Variants in CARD6 observed in about 807,000 individuals in gnomAD.
The protein encoded by CARD6 is caspase recruitment domain-containing protein 6.
In CARD6, 27 loss-of-function variants were observed where a neutral mutation model predicts 23.6. The ratio of observed to expected loss-of-function variants is 1.14; its 90% CI spans 0.84 to 1.58. CARD6 has a LOEUF of 1.58. Among genes scored for constraint, CARD6 ranks in the 40% most tolerant of loss-of-function variants. The pLI, the probability that CARD6 is intolerant of heterozygous loss-of-function variation, is 0.00. For missense variants in CARD6, 1,214 were observed against 1,209.9 expected, an observed-to-expected ratio of 1.00 and a Z score of -0.05; for synonymous variants, 397 against 431.8, an observed-to-expected ratio of 0.92 and a Z score of 1.00.
At chr5:40,848,148 T>C (rs1229559599) in intron 2 of CARD6, among the ~76,000 whole-genome samples, 1 of 152,058 alleles carries the variant, frequency 6.6e-6, no homozygotes, top group African/African-American at 2.4e-5. Flanking sequence ...TTAAAAATAC[T>C]TTATATTTTT....
chr5:40,843,750 A>G (rs1299460812), intron 2 of CARD6, 41 bp downstream of exon 2: 8 of 1,328,258 alleles, frequency 6.0e-6, no homozygotes, highest in Non-Finnish European at 7.1e-6. Flanking sequence ...CAACAACTTA[A>G]TAAGTTAATA....
At position 40,852,372 on chromosome 5, in the gene CARD6, A is replaced by C. The variant is rs775414145; in HGVS notation, c.1040A>C (p.His347Pro). 6.2e-6 allele frequency: 10 copies of C among 1,614,130 alleles called. No individual in the cohort carries two copies. The South Asian group carries it at 1.1e-4, about 18-fold the overall frequency. ...DVTARDSILS[H>P]KVLDEDSKED... Reference sequence around the variant, plus strand: ...ACGGCTAGGGATTCAATCCTCAGTCACAAGGTTCTGGATGAAGATAGCAAG... The same window carrying C: ...ACGGCTAGGGATTCAATCCTCAGTCCCAAGGTTCTGGATGAAGATAGCAAG... Residue 347 changes from histidine (H) to proline (P), a missense_variant, in exon 3 of 3, where the codon CAC becomes CCC. By Grantham distance (77) the His-to-Pro change is moderately conservative. Coordinates refer to ENST00000254691, the MANE Select transcript of CARD6 (RefSeq NM_032587.4).
Position 40,841,593 on chromosome 5 carries a change from A to G in CARD6, c.211A>G (p.Thr71Ala), listed in dbSNP as rs1314089361. 1 of 1,614,100 alleles carries G rather than the reference A, an allele frequency of 6.2e-7. No individual in the cohort carries two copies. The highest frequency in any genetic ancestry group is 1.7e-5 in the Admixed American group (1 of 60,012). The change falls in exon 1 of 3, where the codon ACC becomes GCC. Residue 71 changes from threonine (T) to alanine (A), a missense_variant. Coordinates refer to ENST00000254691, the MANE Select transcript of CARD6 (RefSeq NM_032587.4). ...LILVQKKGEA[T>A]CQHFLKCLFS... ...TTTGGTACAGAAAAAGGGAGAGGCG[A>G]CCTGTCAGCATTTTCTCAAGTGTTT...
At chr5:40,850,698 G>C (rs543066250) in intron 2 of CARD6, among the ~76,000 whole-genome samples, 3 of 136,272 alleles carry the variant, frequency 2.2e-5, no homozygotes, top group Non-Finnish European at 4.6e-5. Flanking sequence ...CTCCAGCCTG[G>C]TGACAGAGTG....
intron 2 of CARD6, among the ~76,000 whole-genome samples, chr5:40,849,091 G>A (rs914888721): frequency 6.6e-6 from 1 of 151,932 alleles, no homozygotes; most frequent in African/African-American, 2.4e-5. Context: ...CCACCTCCTG[G>A]GTTCAAGTGA....
chr5:40,850,910 T>C lies in CARD6; in HGVS notation c.842-1264T>C, dbSNP rs529611148. On this transcript the variant is annotated intron_variant, in intron 2 of 2. Coordinates refer to ENST00000254691, the MANE Select transcript of CARD6 (RefSeq NM_032587.4). Reference sequence around the variant, plus strand: ...AGTTACATCCATCCAAACCATGGAGTACCATGAAATAGCTAAAATGAGTTA... The same window carrying C: ...AGTTACATCCATCCAAACCATGGAGCACCATGAAATAGCTAAAATGAGTTA... 2.0e-5 allele frequency among the ~76,000 whole-genome samples: 3 copies of C among 152,160 alleles called. No individual in the cohort carries two copies. The South Asian group carries it at 6.2e-4, about 32-fold the overall frequency.
Position 40,852,647 on chromosome 5 carries a change from C to T in CARD6, c.1315C>T (p.Pro439Ser). 6.2e-7 allele frequency: 1 copy of T among 1,614,120 alleles called. No homozygotes were observed. Among genetic ancestry groups the T allele is most frequent in the South Asian group, 1.1e-5 (1 of 91,068 alleles). The change falls in exon 3 of 3, where the codon CCT becomes TCT. Residue 439 changes from proline to serine, a missense_variant. Transcript: ENST00000254691. The part of the protein sequence containing the change: ...KKQSTQFSGG[P>S]TEDTEKFLTL... ...GCAGTCAACACAGTTTTCAGGGGGG[C>T]CTACAGAGGATACAGAAAAGTTTCT...
chr5:40,846,835 G>A (rs1745974884), intron 2 of CARD6, among the ~76,000 whole-genome samples: 1 of 152,108 alleles, frequency 6.6e-6, no homozygotes, highest in Admixed American at 6.5e-5. Flanking sequence ...GCCACATTCT[G>A]CATTACTGGG....
At position 40,843,727 on chromosome 5, in the gene CARD6, A is replaced by T. The variant is rs761254817; in HGVS notation, c.841+18A>T. 6.8e-7 allele frequency: 1 copy of T among 1,470,892 alleles called. No individual in the cohort carries two copies. Among genetic ancestry groups the T allele is most frequent in the South Asian group, 1.5e-5 (1 of 66,680 alleles). 91.1% of individuals were successfully genotyped at this position (1,470,892 alleles called of 1,614,324 possible). A position where few individuals can be genotyped will look rare whatever the true frequency, so the allele number is the denominator to read the frequency against. ...TATAGAAGGTATGGAAATATCTTGT[A>T]TAGTTAGTTAGGCAACAACTTAATA... is the stretch of plus-strand genomic sequence containing the variant. On this transcript the variant is annotated intron_variant, in intron 2 of 2. Transcript: ENST00000254691.
chr5:40,841,707 G>C, intron 1 of CARD6, 42 bp downstream of exon 1: 7 of 1,404,358 alleles, frequency 5.0e-6, no homozygotes, highest in South Asian at 3.2e-5. Context: ...GAGGAAGGGG[G>C]CAGACTTTCT....
intron 2 of CARD6, among the ~76,000 whole-genome samples, chr5:40,846,690 T>C (rs190433531): frequency 6.6e-6 from 1 of 152,168 alleles, no homozygotes; most frequent in East Asian, 1.9e-4. Flanking sequence ...ACATCATCTA[T>C]CCTCTGTGCA....
intron 2 of CARD6, 34 bp from the exon 3 acceptor site, chr5:40,852,139 GA>G (rs746670159): frequency 7.3e-7 from 1 of 1,375,424 alleles, no homozygotes; most frequent in South Asian, 1.3e-5. Context: ...TTGAAACTCT[GA>G]ACATGGCATT....
chr5:40,855,037 TG>T lies in CARD6; in HGVS notation c.*596del, dbSNP rs1322647430. 2.0e-5 allele frequency: 3 copies of T among 153,078 alleles called. No individual in the cohort carries two copies. Among genetic ancestry groups the T allele is most frequent in the Admixed American group, 6.5e-5 (1 of 15,372 alleles). 9.5% of individuals were successfully genotyped at this position (153,078 alleles called of 1,614,324 possible). A position where few individuals can be genotyped will look rare whatever the true frequency, so the allele number is the denominator to read the frequency against. The stretch of plus-strand genomic sequence containing the variant: ...TAATGTATAACTTGCACCCAGGGAA[TG>T]GGGGTCTATGAGACAACCCCACTTG... On this transcript the variant is annotated 3_prime_UTR_variant, in exon 3 of 3. Coordinates refer to ENST00000254691, the MANE Select transcript of CARD6 (RefSeq NM_032587.4).
In CARD6 at chr5:40,853,008, G is replaced by A. The variant is rs781760693; in HGVS notation, c.1676G>A (p.Cys559Tyr). The change falls in exon 3 of 3, where the codon TGT becomes TAT. Residue 559 changes from cysteine to tyrosine, a missense_variant. Coordinates refer to ENST00000254691, the MANE Select transcript of CARD6 (RefSeq NM_032587.4). ...VSSAVFFFTDCLGEKEWDLLM... is the reference protein window; with the variant it reads ...VSSAVFFFTDYLGEKEWDLLM... ...TCAGCTGTGTTTTTTTTCACTGACT[G>A]TTTAGGTGAGAAGGAATGGGACTTG... The A allele has an allele frequency of 1.9e-5, 31 of 1,613,984 alleles. No homozygotes were observed. The highest frequency in any genetic ancestry group is 2.5e-5 in the Non-Finnish European group (30 of 1,180,004).
intron 1 of CARD6, among the ~76,000 whole-genome samples, chr5:40,842,469 T>A (rs920166110): frequency 6.6e-6 from 1 of 152,234 alleles, no homozygotes; most frequent in Admixed American, 6.5e-5. Flanking sequence ...TGCTTACTGA[T>A]TAGAAATTAT....
Position 40,854,217 on chromosome 5 carries a change from C to G in CARD6, c.2885C>G (p.Ser962Cys). ...VKHSQPKPFHSVPSQPKSSQT... is the reference protein window; with the variant it reads ...VKHSQPKPFHCVPSQPKSSQT... Reference sequence around the variant, plus strand: ...CACTCCCAGCCTAAACCCTTCCATTCTGTGCCCTCTCAACCTAAATCCTCT... The same window carrying G: ...CACTCCCAGCCTAAACCCTTCCATTGTGTGCCCTCTCAACCTAAATCCTCT... Residue 962 changes from serine (S) to cysteine (C), a missense_variant, in exon 3 of 3, where the codon TCT becomes TGT. By Grantham distance (112) the Ser-to-Cys change is moderately radical (BLOSUM62 -1). Coordinates refer to ENST00000254691, the MANE Select transcript of CARD6 (RefSeq NM_032587.4). The G allele has an allele frequency of 6.2e-7, 1 of 1,614,190 alleles. No individual in the cohort carries two copies. Among genetic ancestry groups the G allele is most frequent in the South Asian group, 1.1e-5 (1 of 91,084 alleles).
In CARD6 at chr5:40,852,826, G is replaced by A; in HGVS notation, c.1494G>A (p.Arg498=). The A allele has an allele frequency of 1.2e-6, 2 of 1,614,094 alleles. No homozygotes were observed. The highest frequency in any genetic ancestry group is 1.7e-6 in the Non-Finnish European group (2 of 1,180,026). Residue 498 remains arginine (R), a synonymous_variant, in exon 3 of 3, where the codon CGG becomes CGA. Coordinates refer to ENST00000254691, the MANE Select transcript of CARD6 (RefSeq NM_032587.4). The part of the protein sequence containing the change: ...HQDLPLLVLP[R]QISDGLVEIT... The stretch of plus-strand genomic sequence containing the variant: ...ATTTGCCTCTTTTGGTGCTTCCCCG[G>A]CAAATCTCTGATGGCCTGGTTGAGA...
Position 40,843,436 on chromosome 5 carries a change from A to G in CARD6, c.568A>G (p.Thr190Ala), listed in dbSNP as rs768918539. The G allele has an allele frequency of 1.9e-6, 3 of 1,613,982 alleles. No individual in the cohort carries two copies. The highest frequency in any genetic ancestry group is 2.2e-5 in the South Asian group (2 of 91,034). The change falls in exon 2 of 3, where the codon ACT (threonine) becomes GCT (alanine). Residue 190 changes from threonine (T) to alanine (A), a missense_variant. Physicochemically the swap from Thr to Ala is moderately conservative, Grantham distance 58. Transcript: ENST00000254691. ...VEKVGCEVPA[T>A]ITYIKDGQRY... is the part of the protein sequence containing the mutation. ...GAAAGTTGGATGTGAAGTTCCAGCA[A>G]CTATTACATATATAAAAGATGGACA...
At position 40,854,307 on chromosome 5, in the gene CARD6, C is replaced by A. The variant is rs35479873; in HGVS notation, c.2975C>A (p.Pro992His). 6.2e-7 allele frequency: 1 copy of A among 1,614,034 alleles called. No individual in the cohort carries two copies. The highest frequency in any genetic ancestry group is 8.5e-7 in the Non-Finnish European group (1 of 1,180,022). ...TKPSPCKSTQ[P>H]KPSQPWPPQS... ...CCTTCTCCATGCAAATCTACTCAGC[C>A]TAAGCCAAGCCAGCCCTGGCCTCCC... The change falls in exon 3 of 3, where the codon CCT becomes CAT. Residue 992 changes from proline to histidine, a missense_variant. Transcript: ENST00000254691.
Sources: gnomAD v4.1 joint callset for allele counts (sites outside exome capture counted in the v4.1 genomes callset) on GRCh38, gnomAD v4.1.1 for gene constraint, MANE v1.5 for transcripts, NCBI Gene and HGNC (gene_info 2026-07-23, HGNC 2026-07-21) for gene names.